Variants in NKAIN2 observed in about 807,000 individuals in gnomAD.
NKAIN2 encodes sodium/potassium-transporting ATPase subunit beta-1-interacting protein 2.
In NKAIN2, 14 loss-of-function variants were observed where a neutral mutation model predicts 32.6. The ratio of observed to expected loss-of-function variants is 0.43; its 90% CI spans 0.28 to 0.67. The LOEUF is 0.67. Among genes scored for constraint, NKAIN2 ranks in the 30% least tolerant of loss-of-function variants. The pLI, the probability that NKAIN2 is intolerant of heterozygous loss-of-function variation, is 0.17. For synonymous variants in NKAIN2, 80 were observed against 87.2 expected, an observed-to-expected ratio of 0.92 and a Z score of 0.46; for missense variants, 198 against 258.3, an observed-to-expected ratio of 0.77 and a Z score of 1.60.
chr6:124,031,140 A>G (rs1326400759), intron 1 of NKAIN2, among the ~76,000 whole-genome samples: 1 of 152,182 alleles, frequency 6.6e-6, no homozygotes, highest in Admixed American at 6.6e-5. Flanking sequence ...AGTATGCTAA[A>G]TGACAAATTT....
chr6:124,369,348 A>T (rs895984389), intron 3 of NKAIN2, among the ~76,000 whole-genome samples: 40 of 152,310 alleles, frequency 2.6e-4, no homozygotes, highest in African/African-American at 8.9e-4. Context: ...GAATTTTAAA[A>T]AATGGACACC....
At chr6:124,149,697 T>A (rs1243292480) in intron 1 of NKAIN2, among the ~76,000 whole-genome samples, 1 of 152,190 alleles carries the variant, frequency 6.6e-6, no homozygotes, top group African/African-American at 2.4e-5. Flanking sequence ...TGTAATGGCT[T>A]TGCAGAAATT....
intron 1 of NKAIN2, among the ~76,000 whole-genome samples, chr6:123,865,856 CAG>C (rs1385675930): frequency 6.6e-6 from 1 of 152,116 alleles, no homozygotes. Flanking sequence ...GAGAAAAAGA[CAG>C]AGTGTGCAAA....
chr6:123,860,206 C>T (rs1582666550), intron 1 of NKAIN2, among the ~76,000 whole-genome samples: 1 of 152,080 alleles, frequency 6.6e-6, no homozygotes, highest in African/African-American at 2.4e-5. Context: ...AGAGCATTTA[C>T]TCACCCACAG....
intron 3 of NKAIN2, among the ~76,000 whole-genome samples, chr6:124,386,713 C>T (rs1772915855): frequency 6.6e-6 from 1 of 152,140 alleles, no homozygotes; most frequent in East Asian, 1.9e-4. Context: ...TGCCAATCCT[C>T]TTCAATTAGG....
intron 1 of NKAIN2, among the ~76,000 whole-genome samples, chr6:123,926,246 T>G (rs1363608385): frequency 6.6e-6 from 1 of 152,218 alleles, no homozygotes; most frequent in South Asian, 2.1e-4. Flanking sequence ...TCAGGTATGC[T>G]AATGATTGTA....
chr6:123,953,817 GAGC>G (rs1479084210), intron 1 of NKAIN2, among the ~76,000 whole-genome samples: 1 of 152,162 alleles, frequency 6.6e-6, no homozygotes, highest in Non-Finnish European at 1.5e-5. Context: ...GCTCAGGTAG[GAGC>G]AGCAGCGACT....
chr6:123,849,968 T>TTTTTTTTC (rs1562217948), intron 1 of NKAIN2, among the ~76,000 whole-genome samples: 1 of 66,196 alleles, frequency 1.5e-5, no homozygotes, highest in African/African-American at 4.0e-5. Context: ...TTTTGTTTGT[T>TTTTTTTTC]TGTTTTTTTT....
chr6:124,625,286 G>A (rs541274304), intron 3 of NKAIN2, among the ~76,000 whole-genome samples: 3 of 151,900 alleles, frequency 2.0e-5, no homozygotes, highest in South Asian at 2.1e-4. Context: ...ACTTTCAAAC[G>A]ACATAGGCAG....
intron 1 of NKAIN2, among the ~76,000 whole-genome samples, chr6:123,905,173 G>A (rs1034606602): frequency 6.6e-6 from 1 of 151,912 alleles, no homozygotes; most frequent in Admixed American, 6.6e-5. Flanking sequence ...CAGTTTCATG[G>A]CAGATGCTGG....
intron 4 of NKAIN2, among the ~76,000 whole-genome samples, chr6:124,721,277 G>A (rs1339591462): frequency 1.3e-5 from 2 of 151,650 alleles, no homozygotes; most frequent in Admixed American, 1.3e-4. Context: ...AGTGGCGGGC[G>A]CCTGTAGTCC....
chr6:123,957,204 A>C (rs1777634480), intron 1 of NKAIN2, among the ~76,000 whole-genome samples: 2 of 152,324 alleles, frequency 1.3e-5, no homozygotes, highest in South Asian at 2.1e-4. Flanking sequence ...ACAGCATAGT[A>C]TACAAAAATA....
intron 4 of NKAIN2, among the ~76,000 whole-genome samples, chr6:124,661,681 T>G (rs2114439814): frequency 6.6e-6 from 1 of 152,280 alleles, no homozygotes; most frequent in African/African-American, 2.4e-5. Context: ...AGGTGTGATA[T>G]TTCGAGCTTT....
intron 4 of NKAIN2, among the ~76,000 whole-genome samples, chr6:124,730,872 C>T (rs921675799): frequency 7.1e-6 from 1 of 141,286 alleles, no homozygotes; most frequent in African/African-American, 2.6e-5. Context: ...AAGAAAAAAA[C>T]AAACAACCCC....
intron 1 of NKAIN2, among the ~76,000 whole-genome samples, chr6:123,960,573 C>A (rs1462275092): frequency 6.6e-6 from 1 of 151,990 alleles, no homozygotes; most frequent in East Asian, 1.9e-4. Context: ...TTCAACTCTG[C>A]AGCCCTCCTA....
intron 4 of NKAIN2, among the ~76,000 whole-genome samples, chr6:124,784,084 A>G (rs1198085709): frequency 6.6e-6 from 1 of 152,194 alleles, no homozygotes; most frequent in Admixed American, 6.5e-5. Flanking sequence ...TGGTTTAGAT[A>G]TATTTATAAC....
intron 1 of NKAIN2, among the ~76,000 whole-genome samples, chr6:123,940,496 T>C (rs761760810): frequency 6.6e-6 from 1 of 152,022 alleles, no homozygotes; most frequent in African/African-American, 2.4e-5. Flanking sequence ...CAAACCTAGA[T>C]GGTACAGCCT....
intron 2 of NKAIN2, among the ~76,000 whole-genome samples, chr6:124,352,781 T>C (rs1798790482): frequency 6.6e-6 from 1 of 152,218 alleles, no homozygotes; most frequent in Admixed American, 6.5e-5. Context: ...AATGTCTCCT[T>C]AGATCTCTGT....
chr6:124,188,348 G>A (rs1348881259), intron 1 of NKAIN2, among the ~76,000 whole-genome samples: 1 of 152,192 alleles, frequency 6.6e-6, no homozygotes, highest in African/African-American at 2.4e-5. Flanking sequence ...CTCAGCCACT[G>A]GCTGAAGCTT....
Sources: allele counts gnomAD v4.1 joint callset (sites outside exome capture counted in the v4.1 genomes callset), GRCh38; gene constraint gnomAD v4.1.1; transcripts MANE v1.5; gene names NCBI Gene and HGNC (gene_info 2026-07-23, HGNC 2026-07-21).